PTPRD: variants seen among roughly 807,000 people sequenced by gnomAD.
PTPRD encodes protein tyrosine phosphatase receptor type D, also known as receptor-type tyrosine-protein phosphatase delta.
PTPRD carries 34 observed loss-of-function variants against 214.5 expected under a neutral mutation model. That is an observed-to-expected ratio of 0.16 (90% CI 0.12 to 0.21). The LOEUF is 0.21. PTPRD is among the 10% of genes least tolerant of loss of function. The pLI is 1.00. For missense variants in PTPRD, 2,545 were observed against 2,398.7 expected, an observed-to-expected ratio of 1.06 and a Z score of -1.27; for synonymous variants, 1,128 against 845.7, an observed-to-expected ratio of 1.33 and a Z score of -5.79.
intron 44 of PTPRD, among the ~76,000 whole-genome samples, chr9:8,324,890 C>T (rs915301645): frequency 3.9e-5 from 6 of 152,124 alleles, no homozygotes; most frequent in Non-Finnish European, 5.9e-5. Context: ...TCTGCCGCAT[C>T]AGTGTCTTCT....
intron 3 of PTPRD, among the ~76,000 whole-genome samples, chr9:10,151,351 C>T (rs139475814): frequency 6.5e-4 from 94 of 143,808 alleles, no homozygotes; most frequent in Non-Finnish European, 1.2e-3. Flanking sequence ...CAACCTTTGC[C>T]TCTCGAGTTC....
At chr9:8,664,350 T>A (rs967939417) in intron 12 of PTPRD, among the ~76,000 whole-genome samples, 2 of 152,238 alleles carry the variant, frequency 1.3e-5, no homozygotes, top group African/African-American at 4.8e-5. Flanking sequence ...AAAATTTTCT[T>A]AGTGAATACG....
At chr9:8,934,421 G>GTGTGTGTGTGTA (rs1306403766) in intron 11 of PTPRD, among the ~76,000 whole-genome samples, 10 of 27,338 alleles carry the variant, frequency 3.7e-4, no homozygotes, top group African/African-American at 1.7e-3. Flanking sequence ...GTGTGTGTGT[G>GTGTGTGTGTGTA]TATATATATA....
intron 5 of PTPRD, among the ~76,000 whole-genome samples, chr9:9,880,514 A>T (rs963061929): frequency 6.6e-6 from 1 of 152,172 alleles, no homozygotes; most frequent in Non-Finnish European, 1.5e-5. Flanking sequence ...AATTAAAATT[A>T]TCATATATAA....
chr9:10,023,327 T>G (rs1478766143), intron 4 of PTPRD, among the ~76,000 whole-genome samples: 1 of 152,170 alleles, frequency 6.6e-6, no homozygotes, highest in African/African-American at 2.4e-5. Flanking sequence ...GAAAGGAACC[T>G]GGGCCTCTCC....
intron 30 of PTPRD, among the ~76,000 whole-genome samples, chr9:8,477,840 C>T (rs192871819): frequency 6.6e-6 from 1 of 152,238 alleles, no homozygotes; most frequent in East Asian, 1.9e-4. Flanking sequence ...GACCAATAAA[C>T]TTATGGGCAC....
chr9:10,188,198 T>A (rs1258781940), intron 3 of PTPRD, among the ~76,000 whole-genome samples: 2 of 152,194 alleles, frequency 1.3e-5, no homozygotes, highest in Non-Finnish European at 2.9e-5. Context: ...CTTATTTTCA[T>A]TCATTTTATG....
chr9:10,178,040 T>C (rs2099259687), intron 3 of PTPRD, among the ~76,000 whole-genome samples: 2 of 151,936 alleles, frequency 1.3e-5, no homozygotes, highest in South Asian at 4.1e-4. Context: ...TAGTGAATCA[T>C]TACTTGCACT....
chr9:9,304,064 T>C (rs899555783), intron 9 of PTPRD, among the ~76,000 whole-genome samples: 1 of 152,170 alleles, frequency 6.6e-6, no homozygotes. Context: ...TACCTTCATG[T>C]TCTAAAATTG....
chr9:8,725,849 T>A (rs931992842), intron 12 of PTPRD, among the ~76,000 whole-genome samples: 2 of 152,198 alleles, frequency 1.3e-5, no homozygotes, highest in Non-Finnish European at 2.9e-5. Context: ...CCACATTCTT[T>A]ATGCATTACT....
intron 5 of PTPRD, among the ~76,000 whole-genome samples, chr9:9,845,164 CAA>C (rs1491559109): frequency 0.052 from 398 of 7,662 alleles, 29 homozygotes; most frequent in African/African-American, 0.11. Context: ...ATATATAGAG[CAA>C]TATATATATA....
intron 2 of PTPRD, among the ~76,000 whole-genome samples, chr9:10,356,750 G>C (rs188907220): frequency 1.3e-5 from 2 of 151,854 alleles, no homozygotes; most frequent in African/African-American, 4.8e-5. Flanking sequence ...CACTATTTCA[G>C]CTTACAGAAA....
intron 8 of PTPRD, among the ~76,000 whole-genome samples, chr9:9,400,263 C>G (rs954593290): frequency 6.6e-6 from 1 of 151,802 alleles, no homozygotes; most frequent in Non-Finnish European, 1.5e-5. Flanking sequence ...CAAATAATGA[C>G]TCAATGGCAG....
At chr9:10,057,148 T>G (rs1589894442) in intron 3 of PTPRD, among the ~76,000 whole-genome samples, 1 of 152,164 alleles carries the variant, frequency 6.6e-6, no homozygotes, top group Non-Finnish European at 1.5e-5. Flanking sequence ...ATTTATCATT[T>G]CTGAGATGCT....
chr9:9,950,221 C>A (rs1013348040), intron 4 of PTPRD, among the ~76,000 whole-genome samples: 5 of 152,148 alleles, frequency 3.3e-5, no homozygotes, highest in Non-Finnish European at 7.3e-5. Flanking sequence ...ACACACCTCT[C>A]GTCTTCTCTC....
chr9:8,740,696 A>G (rs1015547568), intron 11 of PTPRD, among the ~76,000 whole-genome samples: 3 of 152,214 alleles, frequency 2.0e-5, no homozygotes, highest in South Asian at 2.1e-4. Flanking sequence ...TCAAATCAAA[A>G]ACTCCAAATT....
chr9:9,394,906 A>G (rs1040844630), intron 9 of PTPRD, among the ~76,000 whole-genome samples: 2 of 152,080 alleles, frequency 1.3e-5, no homozygotes, highest in Admixed American at 1.3e-4. Context: ...TGCACCAAAG[A>G]TCATGTTTGC....
chr9:10,452,683 G>C lies in PTPRD; in HGVS notation c.-599-111666C>G, dbSNP rs939572197. 2.6e-5 allele frequency among the ~76,000 whole-genome samples: 4 copies of C among 151,598 alleles called. No individual in the cohort carries two copies. The East Asian group carries it at 7.7e-4, about 29-fold the overall frequency. On this transcript the variant is annotated intron_variant, in intron 2 of 45. Coordinates refer to ENST00000381196, the MANE Select transcript of PTPRD (RefSeq NM_002839.4). ...TTATTCATTTGTTTCATTTCGTTTT[G>C]TTAGCTATTGAGTTGTATGAGTTTC...
At chr9:10,262,683 T>C (rs759163630) in intron 3 of PTPRD, among the ~76,000 whole-genome samples, 6 of 152,242 alleles carry the variant, frequency 3.9e-5, no homozygotes, top group African/African-American at 7.2e-5. Context: ...TAAGTCACTT[T>C]ACCTCTCTGG....
Sources: gnomAD v4.1 joint callset for allele counts (sites outside exome capture counted in the v4.1 genomes callset) on GRCh38, gnomAD v4.1.1 for gene constraint, MANE v1.5 for transcripts, NCBI Gene and HGNC (gene_info 2026-07-23, HGNC 2026-07-21) for gene names.